ZNF536: variants seen among roughly 807,000 people sequenced by gnomAD.
The protein encoded by ZNF536 is zinc finger protein 536.
Under a neutral mutation model 84.5 loss-of-function variants are expected in ZNF536, and 13 were observed. That is an observed-to-expected ratio of 0.15 (90% CI 0.10 to 0.24). The LOEUF is 0.24. ZNF536 is among the 10% of genes least tolerant of loss of function. The probability of loss-of-function intolerance (pLI) is 1.00; values close to 1 mark genes in which losing one functional copy is unlikely to be tolerated. For synonymous variants in ZNF536, 811 were observed against 742.5 expected, an observed-to-expected ratio of 1.09 and a Z score of -1.50; for missense variants, 1,536 against 1,747.5, an observed-to-expected ratio of 0.88 and a Z score of 2.16.
chr19:30,407,927 T>C (rs2050329280), intron 1 of ZNF536, among the ~76,000 whole-genome samples: 1 of 152,176 alleles, frequency 6.6e-6, no homozygotes, highest in Non-Finnish European at 1.5e-5. Flanking sequence ...TGTCTTTGGC[T>C]CACAGAGGAT....
intron 2 of ZNF536, among the ~76,000 whole-genome samples, chr19:30,284,499 C>T (rs1381845122): frequency 5.3e-5 from 8 of 152,214 alleles, no homozygotes; most frequent in Admixed American, 5.2e-4. Context: ...CAAGTGCCAC[C>T]TGTGGTCGGG....
chr19:30,564,924 C>A (rs911991702), intron 1 of ZNF536, among the ~76,000 whole-genome samples: 5 of 152,112 alleles, frequency 3.3e-5, no homozygotes, highest in African/African-American at 1.2e-4. Flanking sequence ...GGGCTGGCAC[C>A]TGGTAGGCAG....
chr19:30,700,238 T>TTCTC lies in ZNF536; in HGVS notation c.170-10505_170-10502dup, dbSNP rs141789281. The stretch of plus-strand genomic sequence containing the variant: ...CTTCTTTCTTTCTTTCTTTCTTTCT[T>TTCTC]TCTCTCTCTCTCTCTCTTTCTTTCT... On this transcript the variant is annotated intron_variant, in intron 1 of 1. Transcript: ENST00000592773. 8.8e-3 allele frequency among the ~76,000 whole-genome samples: 863 copies of TTCTC among 97,984 alleles called. 19 individuals carry two copies. The highest frequency in any genetic ancestry group is 0.032 in the African/African-American group (814 of 25,264). The allele number at this position is 97,984 out of a possible 152,430, so 64.3% of individuals were successfully genotyped here.
chr19:30,673,959 C>T (rs1002126739), intron 1 of ZNF536, among the ~76,000 whole-genome samples: 6 of 152,238 alleles, frequency 3.9e-5, no homozygotes, highest in Admixed American at 6.5e-5. Flanking sequence ...AAAGCAGCTT[C>T]ATCTCCGCAC....
At chr19:30,671,827 C>T (rs1366669675) in intron 1 of ZNF536, among the ~76,000 whole-genome samples, 1 of 152,194 alleles carries the variant, frequency 6.6e-6, no homozygotes, top group Non-Finnish European at 1.5e-5. Context: ...TGGGAGGCTG[C>T]CAAGATCCTT....
At chr19:30,697,559 T>C (rs936664390) in intron 1 of ZNF536, among the ~76,000 whole-genome samples, 1 of 152,212 alleles carries the variant, frequency 6.6e-6, no homozygotes, top group African/African-American at 2.4e-5. Context: ...GCTATTATTA[T>C]TATTGCACCC....
intron 2 of ZNF536, among the ~76,000 whole-genome samples, chr19:30,324,747 G>C (rs894529803): frequency 1.3e-5 from 2 of 152,100 alleles, no homozygotes; most frequent in Non-Finnish European, 2.9e-5. Flanking sequence ...ATGATACAAG[G>C]TGGCCATTTT....
intron 1 of ZNF536, among the ~76,000 whole-genome samples, chr19:30,256,570 G>A (rs1028461106): frequency 2.6e-5 from 4 of 152,154 alleles, no homozygotes; most frequent in Non-Finnish European, 4.4e-5. Flanking sequence ...CTGCTTGGGC[G>A]GTGACACAGG....
chr19:30,504,250 C>A (rs1322578136), intron 2 of ZNF536, among the ~76,000 whole-genome samples: 1 of 150,782 alleles, frequency 6.6e-6, no homozygotes, highest in East Asian at 2.0e-4. Context: ...TTCCTTCTTG[C>A]CTGCCTGCCT....
intron 2 of ZNF536, among the ~76,000 whole-genome samples, chr19:30,496,377 G>A (rs1479918838): frequency 6.6e-6 from 1 of 152,124 alleles, no homozygotes; most frequent in Non-Finnish European, 1.5e-5. Flanking sequence ...TGTCACTTCT[G>A]GGGATGCCAT....
chr19:30,525,333 T>C (rs1344623865), intron 2 of ZNF536, among the ~76,000 whole-genome samples: 1 of 152,120 alleles, frequency 6.6e-6, no homozygotes, highest in Non-Finnish European at 1.5e-5. Context: ...CCTGGACTAT[T>C]TCTCCCCACC....
At chr19:30,541,631 A>G (rs1568532547) in intron 3 of ZNF536, among the ~76,000 whole-genome samples, 2 of 152,212 alleles carry the variant, frequency 1.3e-5, no homozygotes, top group South Asian at 2.1e-4. Flanking sequence ...TAAATTTCCT[A>G]CCAAACACTA....
At chr19:30,690,649 G>T (rs1034090243) in intron 1 of ZNF536, among the ~76,000 whole-genome samples, 2 of 152,114 alleles carry the variant, frequency 1.3e-5, no homozygotes, top group African/African-American at 4.8e-5. Flanking sequence ...GAGAGGAGGG[G>T]TTTGGAGCCA....
chr19:30,574,480 C>T (rs922340815), intron 1 of ZNF536, among the ~76,000 whole-genome samples: 18 of 152,358 alleles, frequency 1.2e-4, no homozygotes, highest in Admixed American at 3.9e-4. Context: ...CTGATGCTAA[C>T]GGTTGGTCAC....
intron 2 of ZNF536, among the ~76,000 whole-genome samples, chr19:30,326,837 G>A (rs972895832): frequency 2.1e-5 from 2 of 96,900 alleles, no homozygotes; most frequent in African/African-American, 7.7e-5. Flanking sequence ...GTTGGGCGCA[G>A]TAGCCCATGC....
At position 30,455,815 on chromosome 19, in the gene ZNF536, C is replaced by A. The variant is rs530394697; in HGVS notation, c.2170+10083C>A. On this transcript the variant is annotated intron_variant, in intron 2 of 4. Coordinates refer to ENST00000355537, the MANE Select transcript of ZNF536 (RefSeq NM_014717.3). ...CGTCACCCTACTGATCTATCAAACTCGAGGTGAACATTTTTAATTCATACT... is the reference window on the plus strand; with the variant it reads ...CGTCACCCTACTGATCTATCAAACTAGAGGTGAACATTTTTAATTCATACT... 6.6e-5 allele frequency among the ~76,000 whole-genome samples: 10 copies of A among 152,294 alleles called. No homozygotes were observed. In the South Asian group the frequency reaches 8.3e-4, roughly 13 times the overall value.
At chr19:30,281,934 C>T (rs1046739965) in intron 1 of ZNF536, among the ~76,000 whole-genome samples, 1 of 152,176 alleles carries the variant, frequency 6.6e-6, no homozygotes, top group East Asian at 1.9e-4. Flanking sequence ...GGCCTCACGT[C>T]CAGGCTGCTT....
intron 1 of ZNF536, among the ~76,000 whole-genome samples, chr19:30,248,335 T>A (rs1004105338): frequency 2.7e-5 from 4 of 149,902 alleles, no homozygotes; most frequent in African/African-American, 9.8e-5. Context: ...GTCCAAGTGA[T>A]TCTCATGCCT....
intron 1 of ZNF536, among the ~76,000 whole-genome samples, chr19:30,375,109 C>T (rs1261457720): frequency 1.3e-5 from 2 of 151,404 alleles, no homozygotes; most frequent in African/African-American, 4.8e-5. Context: ...TCCGAGACGC[C>T]GCCCAGCCCC....
Sources: allele counts gnomAD v4.1 joint callset (sites outside exome capture counted in the v4.1 genomes callset), GRCh38; gene constraint gnomAD v4.1.1; transcripts MANE v1.5; gene names NCBI Gene and HGNC (gene_info 2026-07-23, HGNC 2026-07-21).